Variants in NT5C2 observed in about 807,000 individuals in gnomAD.
NT5C2 encodes the protein 5'-nucleotidase, cytosolic II, also known as cytosolic purine 5'-nucleotidase.
NT5C2 carries 58 observed loss-of-function variants against 76.1 expected under a neutral mutation model. The observed-to-expected ratio is 0.76, with a 90% confidence interval of 0.62 to 0.95. The LOEUF (loss-of-function observed/expected upper bound fraction) is 0.95, where lower values mean the gene tolerates loss of function less well. Ranked by LOEUF, NT5C2 falls within the 40% of genes least tolerant of loss-of-function variation. The pLI, the probability that NT5C2 is intolerant of heterozygous loss-of-function variation, is 0.00. For missense variants in NT5C2, 478 were observed against 690.3 expected, an observed-to-expected ratio of 0.69 and a Z score of 3.45; for synonymous variants, 229 against 237.4, an observed-to-expected ratio of 0.96 and a Z score of 0.32.
chr10:103,126,776 G>A (rs12779263), intron 4 of NT5C2, among the ~76,000 whole-genome samples: 8 of 151,952 alleles, frequency 5.3e-5, no homozygotes. Context: ...GAATAATGCG[G>A]GTTTGAACTG....
At chr10:103,156,433 G>A (rs2083394339) in intron 3 of NT5C2, among the ~76,000 whole-genome samples, 1 of 152,214 alleles carries the variant, frequency 6.6e-6, no homozygotes, top group Non-Finnish European at 1.5e-5. Flanking sequence ...AATAATGGAT[G>A]TAGTAACAAT....
chr10:103,130,985 T>C (rs1364837185), intron 4 of NT5C2, among the ~76,000 whole-genome samples: 1 of 152,188 alleles, frequency 6.6e-6, no homozygotes, highest in Non-Finnish European at 1.5e-5. Context: ...CATATGTATT[T>C]CCCACATTTG....
Position 103,088,576 on chromosome 10 carries a change from G to C in NT5C2, c.*1096C>G, listed in dbSNP as rs1482416968. 1.9e-5 allele frequency: 3 copies of C among 154,994 alleles called. No homozygotes were observed. The Admixed American group carries it at 2.0e-4, about 10-fold the overall frequency. The allele number at this position is 154,994 out of a possible 1,614,324, so 9.6% of individuals were successfully genotyped here. On this transcript the variant is annotated 3_prime_UTR_variant, in exon 19 of 19. Coordinates refer to ENST00000404739, the MANE Select transcript of NT5C2 (RefSeq NM_001351169.2). ...GTAATTTTGTATTTTTAGTAGAGAT[G>C]GGGTTTCTCCATGTTGGTAAGGCTG...
chr10:103,120,032 G>C (rs1591051399), intron 4 of NT5C2, among the ~76,000 whole-genome samples: 1 of 152,110 alleles, frequency 6.6e-6, no homozygotes, highest in South Asian at 2.1e-4. Flanking sequence ...CTGGGAGGCA[G>C]AGGTTGCAGT....
chr10:103,173,611 C>CAAAAAAA (rs1323084034), intron 3 of NT5C2, among the ~76,000 whole-genome samples: 1 of 43,174 alleles, frequency 2.3e-5, no homozygotes. Flanking sequence ...GACGCCGTCT[C>CAAAAAAA]AAAAAAAAAA....
chr10:103,126,356 G>A (rs1475291313), intron 4 of NT5C2, among the ~76,000 whole-genome samples: 1 of 152,172 alleles, frequency 6.6e-6, no homozygotes, highest in Non-Finnish European at 1.5e-5. Context: ...GGATGCAGTG[G>A]CTCACATCTG....
At chr10:103,140,102 G>C (rs1255492437) in intron 3 of NT5C2, 2 of 152,180 alleles carry the variant, frequency 1.3e-5, no homozygotes, top group African/African-American at 4.8e-5. Flanking sequence ...ATTTTTTGTA[G>C]AGACAGAGGC....
At chr10:103,101,847 A>G (rs1374109644) in intron 6 of NT5C2, among the ~76,000 whole-genome samples, 2 of 152,188 alleles carry the variant, frequency 1.3e-5, no homozygotes, top group East Asian at 1.9e-4. Context: ...GGAAGGATTC[A>G]TGCACGTGCT....
chr10:103,107,545 C>T (rs1245335858), intron 4 of NT5C2, among the ~76,000 whole-genome samples: 3 of 151,732 alleles, frequency 2.0e-5, no homozygotes, highest in African/African-American at 4.8e-5. Context: ...GGTGTGGTGG[C>T]GCATGCCTGT....
intron 4 of NT5C2, among the ~76,000 whole-genome samples, chr10:103,128,511 C>G (rs1384262069): frequency 1.9e-5 from 2 of 103,486 alleles, no homozygotes; most frequent in Non-Finnish European, 2.1e-5. Context: ...TGAGGAGTGT[C>G]TCTGCCTGGC....
intron 2 of NT5C2, among the ~76,000 whole-genome samples, chr10:103,178,089 T>G (rs980194921): frequency 1.3e-5 from 2 of 152,228 alleles, no homozygotes; most frequent in Admixed American, 1.3e-4. Context: ...CTCATCCATG[T>G]AGTATCACAT....
intron 6 of NT5C2, among the ~76,000 whole-genome samples, chr10:103,102,651 G>C (rs1232278515): frequency 6.6e-6 from 1 of 151,642 alleles, no homozygotes. Flanking sequence ...CCGGCAAACT[G>C]AGCAGATTTG....
At chr10:103,157,845 C>T (rs755714112) in intron 3 of NT5C2, among the ~76,000 whole-genome samples, 19 of 152,010 alleles carry the variant, frequency 1.2e-4, no homozygotes, top group African/African-American at 2.2e-4. Context: ...GAGGCTGAGG[C>T]GGACAGATCG....
chr10:103,189,190 G>A (rs2092400061), intron 1 of NT5C2, among the ~76,000 whole-genome samples: 1 of 152,072 alleles, frequency 6.6e-6, no homozygotes, highest in South Asian at 2.1e-4. Flanking sequence ...TAGTTTAATG[G>A]AGTTTCTTTA....
At chr10:103,191,731 C>T (rs12264098) in intron 1 of NT5C2, among the ~76,000 whole-genome samples, 1,657 of 152,078 alleles carry the variant, frequency 0.011, 29 homozygotes, top group African/African-American at 0.034. Flanking sequence ...CCACCCCGCG[C>T]CCCTCCACCT....
At chr10:103,186,748 A>G (rs2092064548) in intron 1 of NT5C2, among the ~76,000 whole-genome samples, 1 of 151,556 alleles carries the variant, frequency 6.6e-6, no homozygotes, top group African/African-American at 2.4e-5. Flanking sequence ...CCCCGTCTCT[A>G]CTAAAAATAC....
At chr10:103,159,138 CA>C (rs1043338990) in intron 3 of NT5C2, among the ~76,000 whole-genome samples, 2 of 151,954 alleles carry the variant, frequency 1.3e-5, no homozygotes, top group African/African-American at 4.8e-5. Context: ...GAGGCTGAGG[CA>C]GGGGGATCAC....
At chr10:103,158,632 C>G (rs933411914) in intron 3 of NT5C2, among the ~76,000 whole-genome samples, 1 of 151,968 alleles carries the variant, frequency 6.6e-6, no homozygotes, top group African/African-American at 2.4e-5. Flanking sequence ...GCCTGGCCAA[C>G]ATGGTGAAAC....
Position 103,174,075 on chromosome 10 carries a change from G to A in NT5C2, c.101+783C>T, listed in dbSNP as rs568819912. The stretch of plus-strand genomic sequence containing the variant: ...CATGCCACTGCATTCCAGCCTAGGC[G>A]ACAGAGCCAGACTCCGTCTCAAAAA... On this transcript the variant is annotated intron_variant, in intron 3 of 18. Coordinates refer to ENST00000404739, the MANE Select transcript of NT5C2 (RefSeq NM_001351169.2). Among the ~76,000 whole-genome samples the A allele has an allele frequency of 7.8e-4, 108 of 139,068 alleles. 1 individual carries two copies. Among genetic ancestry groups the A allele is most frequent in the African/African-American group, 2.7e-3 (100 of 36,790 alleles). 91.2% of individuals were successfully genotyped at this position (139,068 alleles called of 152,430 possible).
Sources: allele counts gnomAD v4.1 joint callset (sites outside exome capture counted in the v4.1 genomes callset), GRCh38; gene constraint gnomAD v4.1.1; transcripts MANE v1.5; gene names NCBI Gene and HGNC (gene_info 2026-07-23, HGNC 2026-07-21).